Variants in ZSCAN5A observed in about 807,000 individuals in gnomAD.
ZSCAN5A encodes zinc finger and SCAN domain-containing protein 5A.
Under a neutral mutation model 23.7 loss-of-function variants are expected in ZSCAN5A, and 12 were observed. The ratio of observed to expected loss-of-function variants is 0.51; its 90% CI spans 0.32 to 0.82. The LOEUF (loss-of-function observed/expected upper bound fraction) is 0.82. ZSCAN5A is among the 40% of genes least tolerant of loss of function. The pLI is 0.03. For synonymous variants in ZSCAN5A, 257 were observed against 239.9 expected (o/e 1.07, Z -0.66); for missense variants, 597 against 617.9 (o/e 0.97, Z 0.36).
chr19:56,308,803 G>T (rs1475700005), intron 2 of ZSCAN5A, among the ~76,000 whole-genome samples: 1 of 152,192 alleles, frequency 6.6e-6, no homozygotes, highest in East Asian at 1.9e-4. Context: ...ATTCCACTGG[G>T]GAGGATGCTG....
chr19:56,320,862 G>A (rs2041368254), intron 2 of ZSCAN5A: 4 of 772,170 alleles, frequency 5.2e-6, no homozygotes, highest in Non-Finnish European at 9.7e-6. Flanking sequence ...CCATAATCCT[G>A]GACAAGCTTC....
At chr19:56,228,712 G>A (rs1310502505) in intron 2 of ZSCAN5A, among the ~76,000 whole-genome samples, 2 of 152,168 alleles carry the variant, frequency 1.3e-5, no homozygotes, top group African/African-American at 2.4e-5. Flanking sequence ...CTGAAAAAAA[G>A]AGACAGTCTT....
chr19:56,281,654 T>C lies in ZSCAN5A; in HGVS notation c.-128+31629A>G, dbSNP rs1600173202. The C allele has an allele frequency of 1.8e-5, 18 of 982,714 alleles. No individual in the cohort carries two copies. In the South Asian group the frequency reaches 1.9e-4, roughly 10 times the overall value. 60.9% of individuals were successfully genotyped at this position (982,714 alleles called of 1,614,324 possible). A position where few individuals can be genotyped will look rare whatever the true frequency, so the allele number is the denominator to read the frequency against. ...TCCACTCTCTTCCTTGAATTTTCCATGTTGATTCACTGGCTCCTGGCTCTG... is the reference window on the plus strand; with the variant it reads ...TCCACTCTCTTCCTTGAATTTTCCACGTTGATTCACTGGCTCCTGGCTCTG... On this transcript the variant is annotated intron_variant, in intron 2 of 5. Coordinates refer to ENST00000683990, the MANE Select transcript of ZSCAN5A (RefSeq NM_001322064.3).
intron 5 of ZSCAN5A, 66 bp downstream of exon 5, chr19:56,222,524 TG>T: frequency 1.3e-6 from 2 of 1,577,616 alleles, no homozygotes; most frequent in Non-Finnish European, 1.7e-6. Flanking sequence ...ATGATAATGC[TG>T]GGCCCCCAGC....
chr19:56,292,680 C>T (rs1410458078), intron 2 of ZSCAN5A, among the ~76,000 whole-genome samples: 2 of 151,762 alleles, frequency 1.3e-5, no homozygotes, highest in East Asian at 1.9e-4. Flanking sequence ...ATAATCACTG[C>T]CCCACCAAAA....
At chr19:56,358,615 C>T (rs1253593048) in intron 2 of ZSCAN5A, among the ~76,000 whole-genome samples, 1 of 152,210 alleles carries the variant, frequency 6.6e-6, no homozygotes, top group African/African-American at 2.4e-5. Context: ...CCAAAACCAA[C>T]AGAACATACA....
chr19:56,246,739 G>A (rs57434500), intron 2 of ZSCAN5A: 4 of 1,393,782 alleles, frequency 2.9e-6, no homozygotes, highest in Non-Finnish European at 3.0e-6. Context: ...AGCAGGTGTG[G>A]TGGGAGCAAA....
chr19:56,298,365 C>A (rs569041008), intron 2 of ZSCAN5A: 1 of 152,010 alleles, frequency 6.6e-6, no homozygotes, highest in Admixed American at 6.6e-5. Flanking sequence ...GGGCTGGGCG[C>A]GGTGGCTCAC....
At position 56,221,929 on chromosome 19, in the gene ZSCAN5A, T is replaced by C. The variant is rs757272050; in HGVS notation, c.1137A>G (p.Thr379=). The change falls in exon 6 of 6, where the codon ACA becomes ACG. Residue 379 remains threonine (T), a synonymous_variant. Transcript: ENST00000683990. ...SKLVIHKRSH[T]GERLFQCNLC... ...GATTACATTGAAAGAGTCTCTCGCC[T>C]GTGTGTGATCTCTTGTGGATGACTA... is the stretch of plus-strand genomic sequence containing the variant. The C allele has an allele frequency of 6.8e-6, 11 of 1,614,060 alleles. No individual in the cohort carries two copies. Among genetic ancestry groups the C allele is most frequent in the African/African-American group, 1.3e-5 (1 of 74,922 alleles).
At chr19:56,306,515 T>C (rs571867362) in intron 2 of ZSCAN5A, among the ~76,000 whole-genome samples, 12 of 19,244 alleles carry the variant, frequency 6.2e-4, no homozygotes, top group East Asian at 4.4e-3. Flanking sequence ...CTTCCCTTGA[T>C]AGCTACAAAG....
intron 2 of ZSCAN5A, among the ~76,000 whole-genome samples, chr19:56,262,472 C>T (rs376658343): frequency 1.8e-4 from 27 of 150,540 alleles, no homozygotes; most frequent in African/African-American, 3.9e-4. Flanking sequence ...CCCAGGCTGG[C>T]GTGCAATGGC....
chr19:56,252,436 C>T (rs2036410598), intron 2 of ZSCAN5A, among the ~76,000 whole-genome samples: 1 of 152,184 alleles, frequency 6.6e-6, no homozygotes, highest in Admixed American at 6.5e-5. Context: ...TATTACATAA[C>T]AGGATTTCTG....
chr19:56,248,731 C>G (rs973160073), intron 2 of ZSCAN5A, among the ~76,000 whole-genome samples: 6 of 152,144 alleles, frequency 3.9e-5, no homozygotes, highest in African/African-American at 1.4e-4. Flanking sequence ...CCACGCCTGG[C>G]TAATGACTTT....
chr19:56,249,168 A>G (rs116601817), intron 2 of ZSCAN5A, among the ~76,000 whole-genome samples: 5,170 of 152,278 alleles, frequency 0.034, 329 homozygotes, highest in African/African-American at 0.12. Context: ...TGATAGTACC[A>G]CATCCTGAAG....
intron 2 of ZSCAN5A, among the ~76,000 whole-genome samples, chr19:56,279,926 C>A (rs1600168229): frequency 6.6e-6 from 1 of 152,058 alleles, no homozygotes; most frequent in East Asian, 1.9e-4. Flanking sequence ...ATTTAAATTA[C>A]TAATTAATTA....
At chr19:56,269,460 G>C (rs1403538289) in intron 2 of ZSCAN5A, among the ~76,000 whole-genome samples, 1 of 152,176 alleles carries the variant, frequency 6.6e-6, no homozygotes, top group Non-Finnish European at 1.5e-5. Flanking sequence ...CTGACTCCTG[G>C]AACCTGGGAG....
intron 2 of ZSCAN5A, among the ~76,000 whole-genome samples, chr19:56,358,525 A>T (rs2041712248): frequency 8.0e-6 from 1 of 124,656 alleles, no homozygotes; most frequent in Admixed American, 7.4e-5. Flanking sequence ...TCATCGAGAA[A>T]GAAAATTTAG....
intron 2 of ZSCAN5A, among the ~76,000 whole-genome samples, chr19:56,291,543 C>T (rs1333749234): frequency 6.6e-6 from 1 of 151,812 alleles, no homozygotes; most frequent in Non-Finnish European, 1.5e-5. Flanking sequence ...CTTCCTTTTC[C>T]TCTCCTCTCC....
At chr19:56,338,551 A>C (rs1265900675) in intron 2 of ZSCAN5A, 1 of 152,282 alleles carries the variant, frequency 6.6e-6, no homozygotes, top group East Asian at 1.9e-4. Context: ...GTTACTTTCC[A>C]GGAAGACTAC....
Sources: gnomAD v4.1 joint callset for allele counts (sites outside exome capture counted in the v4.1 genomes callset) on GRCh38, gnomAD v4.1.1 for gene constraint, MANE v1.5 for transcripts, NCBI Gene and HGNC (gene_info 2026-07-23, HGNC 2026-07-21) for gene names.